The following SLX9 variants were observed in gnomAD, a reference collection of about 807,000 sequenced individuals.
SLX9 encodes ribosome biogenesis protein SLX9 homolog.
In SLX9, 19 loss-of-function variants were observed where a neutral mutation model predicts 20.8. That is an observed-to-expected ratio of 0.91 (90% CI 0.64 to 1.34). The LOEUF (loss-of-function observed/expected upper bound fraction) is 1.34, where lower values mean the gene tolerates loss of function less well. SLX9 is among the 40% of genes most tolerant of loss of function. The pLI, the probability that SLX9 is intolerant of heterozygous loss-of-function variation, is 0.00. For missense variants in SLX9, 299 were observed against 322.2 expected (o/e 0.93, Z 0.55); for synonymous variants, 113 against 137.1 (o/e 0.82, Z 1.23).
intron 5 of SLX9, among the ~76,000 whole-genome samples, chr21:44,975,956 C>T (rs904447827): frequency 1.3e-5 from 2 of 152,262 alleles, no homozygotes; most frequent in South Asian, 2.1e-4. Context: ...CACAAGGCTC[C>T]GTGCACACGG....
chr21:44,939,936 C>T, upstream of SLX9: 1 of 1,079,244 alleles, frequency 9.3e-7, no homozygotes, highest in Non-Finnish European at 1.2e-6. Flanking sequence ...CGAGCCGCTT[C>T]CGGGTACTTC....
chr21:44,975,283 TC>T (rs1222750646), intron 5 of SLX9, among the ~76,000 whole-genome samples: 2 of 152,162 alleles, frequency 1.3e-5, no homozygotes, highest in African/African-American at 4.8e-5. Flanking sequence ...GAGCTGGTGG[TC>T]CGTGCCCCAA....
chr21:44,974,737 T>G (rs2085231070), intron 5 of SLX9, among the ~76,000 whole-genome samples: 1 of 152,114 alleles, frequency 6.6e-6, no homozygotes, highest in Non-Finnish European at 1.5e-5. Flanking sequence ...CCTCTTTGGT[T>G]TCTGCTTCTC....
At chr21:44,970,899 CT>C (rs1248955154) in intron 4 of SLX9, among the ~76,000 whole-genome samples, 1 of 152,164 alleles carries the variant, frequency 6.6e-6, no homozygotes, top group Non-Finnish European at 1.5e-5. Context: ...CCCAACCCAG[CT>C]CCCTCAATCC....
At chr21:44,951,031 C>T (rs1027367288) in intron 2 of SLX9, among the ~76,000 whole-genome samples, 82 of 152,116 alleles carry the variant, frequency 5.4e-4, no homozygotes, top group Non-Finnish European at 9.3e-4. Context: ...GGGCACAGTG[C>T]AGCAGGCTAA....
chr21:44,970,295 T>C (rs1300926638), intron 4 of SLX9, among the ~76,000 whole-genome samples: 1 of 152,252 alleles, frequency 6.6e-6, no homozygotes, highest in African/African-American at 2.4e-5. Flanking sequence ...GATGGATGTT[T>C]AGTTTACACA....
At chr21:44,965,360 C>T (rs1253453123) in intron 3 of SLX9, among the ~76,000 whole-genome samples, 1 of 152,096 alleles carries the variant, frequency 6.6e-6, no homozygotes, top group Non-Finnish European at 1.5e-5. Flanking sequence ...CACTGCCTCG[C>T]TCCCTCCCTC....
chr21:44,944,089 A>G (rs1053938739), intron 2 of SLX9, among the ~76,000 whole-genome samples: 25 of 152,352 alleles, frequency 1.6e-4, no homozygotes, highest in Non-Finnish European at 3.4e-4. Context: ...CTGAAGCCAC[A>G]GGAACTTGGG....
chr21:44,962,931 TC>T (rs1310428197), intron 3 of SLX9, among the ~76,000 whole-genome samples: 1 of 152,160 alleles, frequency 6.6e-6, no homozygotes, highest in African/African-American at 2.4e-5. Flanking sequence ...GTGCTTACTG[TC>T]CATTTGTGTT....
At chr21:44,972,772 G>T (rs1194063990) in intron 4 of SLX9, among the ~76,000 whole-genome samples, 1 of 152,340 alleles carries the variant, frequency 6.6e-6, no homozygotes, top group East Asian at 1.9e-4. Flanking sequence ...GTGCCTGCCA[G>T]GGTCCTTTGG....
At chr21:44,974,894 C>T (rs1193894503) in intron 5 of SLX9, among the ~76,000 whole-genome samples, 3 of 152,172 alleles carry the variant, frequency 2.0e-5, no homozygotes, top group Admixed American at 2.0e-4. Flanking sequence ...CCCCTCCCTG[C>T]CTGGACAGGG....
At chr21:44,942,335 C>G (rs899205051) in intron 1 of SLX9, among the ~76,000 whole-genome samples, 1 of 152,186 alleles carries the variant, frequency 6.6e-6, no homozygotes, top group African/African-American at 2.4e-5. Context: ...CACTGTTCCC[C>G]CGTGAGTCTG....
At chr21:44,956,268 G>C (rs752795631) in intron 2 of SLX9, among the ~76,000 whole-genome samples, 1 of 152,138 alleles carries the variant, frequency 6.6e-6, no homozygotes, top group Admixed American at 6.5e-5. Context: ...TAGCAAATTC[G>C]GTGTTTTCTG....
chr21:44,955,222 A>AAG (rs11455031), intron 2 of SLX9, among the ~76,000 whole-genome samples: 1 of 149,758 alleles, frequency 6.7e-6, no homozygotes, highest in Non-Finnish European at 1.5e-5. Flanking sequence ...AAAAAAAAAA[A>AAG]GAAGTAAGAA....
At chr21:44,946,632 T>C (rs9978038) in intron 2 of SLX9, among the ~76,000 whole-genome samples, 39,112 of 152,198 alleles carry the variant, frequency 0.26, 5,759 homozygotes, top group African/African-American at 0.4. Flanking sequence ...CCCTGAGGTG[T>C]GTTCCAGGAG....
intron 2 of SLX9, among the ~76,000 whole-genome samples, chr21:44,951,027 A>G (rs1281799735): frequency 6.6e-6 from 1 of 152,154 alleles, no homozygotes; most frequent in East Asian, 1.9e-4. Context: ...TCGTGGGCAC[A>G]GTGCAGCAGG....
chr21:44,952,343 T>C (rs1489989003), intron 2 of SLX9, among the ~76,000 whole-genome samples: 1 of 152,270 alleles, frequency 6.6e-6, no homozygotes, highest in Non-Finnish European at 1.5e-5. Context: ...CCCTGGCCAC[T>C]CAGGGAGTGA....
In SLX9 at chr21:44,970,032, C is replaced by T. The variant is rs1203075974; in HGVS notation, c.500+2851C>T. 2.0e-5 allele frequency among the ~76,000 whole-genome samples: 3 copies of T among 152,300 alleles called. No individual in the cohort carries two copies. The East Asian group carries it at 5.8e-4, about 29-fold the overall frequency. On this transcript the variant is annotated intron_variant, in intron 4 of 5. Transcript: ENST00000291634. ...CCAGAGGCGAAGTGCCACTGTCACT[C>T]CACTGTATTGGGCACACCCTGTCAC...
chr21:44,957,202 CAG>C (rs2084874440), intron 2 of SLX9, among the ~76,000 whole-genome samples: 1 of 152,204 alleles, frequency 6.6e-6, no homozygotes, highest in South Asian at 2.1e-4. Context: ...TGAGTCAGCT[CAG>C]GGCAGGTTTC....
Sources: gnomAD v4.1 joint callset for allele counts (sites outside exome capture counted in the v4.1 genomes callset) on GRCh38, gnomAD v4.1.1 for gene constraint, MANE v1.5 for transcripts, NCBI Gene and HGNC (gene_info 2026-07-23, HGNC 2026-07-21) for gene names.